Variants in SDK1 observed in about 807,000 individuals in gnomAD.
SDK1 encodes protein sidekick-1.
SDK1 carries 157 observed loss-of-function variants against 245.5 expected under a neutral mutation model. The ratio of observed to expected loss-of-function variants is 0.64; its 90% CI spans 0.56 to 0.73. The LOEUF (loss-of-function observed/expected upper bound fraction) is 0.73. SDK1 is among the 30% of genes least tolerant of loss of function. SDK1 has a pLI of 0.00. For synonymous variants in SDK1, 1,647 were observed against 1,278.5 expected (o/e 1.29, Z -6.15); for missense variants, 3,583 against 3,002.3 (o/e 1.19, Z -4.52).
At chr7:3,966,831 C>A (rs1174076345) in intron 9 of SDK1, among the ~76,000 whole-genome samples, 2 of 152,032 alleles carry the variant, frequency 1.3e-5, no homozygotes, top group Non-Finnish European at 2.9e-5. Flanking sequence ...GACTATAGGC[C>A]TGCACCACCA....
intron 44 of SDK1, among the ~76,000 whole-genome samples, chr7:4,259,499 C>G (rs533563523): frequency 6.6e-6 from 1 of 152,154 alleles, no homozygotes; most frequent in Non-Finnish European, 1.5e-5. Context: ...AGCTGAAACC[C>G]TTGAGGCTAG....
chr7:3,581,846 G>C (rs1374023619), intron 1 of SDK1, among the ~76,000 whole-genome samples: 1 of 152,220 alleles, frequency 6.6e-6, no homozygotes, highest in East Asian at 1.9e-4. Context: ...GTCCTTTGCA[G>C]GGACATGGGT....
chr7:4,046,063 G>T (rs1485867677), intron 17 of SDK1, among the ~76,000 whole-genome samples: 2 of 151,702 alleles, frequency 1.3e-5, no homozygotes, highest in African/African-American at 4.8e-5. Flanking sequence ...CGAGTAGCAG[G>T]GACTACAGGC....
intron 4 of SDK1, among the ~76,000 whole-genome samples, chr7:3,795,838 C>A (rs921209208): frequency 6.6e-6 from 1 of 152,104 alleles, no homozygotes; most frequent in Non-Finnish European, 1.5e-5. Flanking sequence ...TAGTAAAAAT[C>A]TGTGAAATTG....
intron 17 of SDK1, among the ~76,000 whole-genome samples, chr7:4,043,908 C>G (rs1407527692): frequency 6.6e-6 from 1 of 152,082 alleles, no homozygotes; most frequent in Non-Finnish European, 1.5e-5. Flanking sequence ...AACGTCACAA[C>G]AAATGTTGGT....
intron 5 of SDK1, among the ~76,000 whole-genome samples, chr7:3,880,259 A>G (rs1781174897): frequency 6.6e-6 from 1 of 152,236 alleles, no homozygotes. Context: ...TCTATTAGAA[A>G]TAAATCCCGA....
rs778396777 is a variant in SDK1, at chr7:4,265,240, G to A, written c.6498G>A (p.Ala2166=). ...WKRRAQGRAP[A]PHRYEAVAGS... ...GCAGGGCCCAGGGCCGCGCACCTGCGCCGCACAGGTACGAGGCGGTGGCGG... is the reference window on the plus strand; with the variant it reads ...GCAGGGCCCAGGGCCGCGCACCTGCACCGCACAGGTACGAGGCGGTGGCGG... Residue 2166 remains alanine, a synonymous_variant, in exon 45 of 45, where the codon GCG becomes GCA. Coordinates refer to ENST00000404826, the MANE Select transcript of SDK1 (RefSeq NM_152744.4). The A allele has an allele frequency of 4.4e-6, 7 of 1,607,206 alleles. No homozygotes were observed. Among genetic ancestry groups the A allele is most frequent in the East Asian group, 2.2e-5 (1 of 44,806 alleles).
At chr7:3,517,959 T>G (rs1409660265) in intron 1 of SDK1, among the ~76,000 whole-genome samples, 1 of 152,136 alleles carries the variant, frequency 6.6e-6, no homozygotes, top group Non-Finnish European at 1.5e-5. Context: ...TTTTTTGTGT[T>G]TGTTTTTGTG....
In SDK1 at chr7:3,457,286, G is replaced by A. The variant is rs760147191; in HGVS notation, c.298+155402G>A. Among the ~76,000 whole-genome samples the A allele has an allele frequency of 8.5e-5, 13 of 152,272 alleles. 1 individual carries two copies. The highest frequency in any genetic ancestry group is 2.6e-4 in the Admixed American group (4 of 15,294). On this transcript the variant is annotated intron_variant, in intron 1 of 44. Transcript: ENST00000404826. ...GGTTCATAAGATGCCCTGCCATTAC[G>A]TTGTCCCTTCAGTCTTGGCCTTCCT...
chr7:4,023,435 G>A (rs1303211884), intron 17 of SDK1, among the ~76,000 whole-genome samples: 2 of 152,202 alleles, frequency 1.3e-5, no homozygotes, highest in Non-Finnish European at 2.9e-5. Flanking sequence ...CACAGAAGCT[G>A]TGGCCTGAAA....
chr7:4,000,236 A>T (rs1310856200), intron 14 of SDK1, among the ~76,000 whole-genome samples: 1 of 152,220 alleles, frequency 6.6e-6, no homozygotes, highest in East Asian at 1.9e-4. Context: ...GAGCATGCTG[A>T]GGCTGAGATG....
chr7:3,690,053 A>G (rs536589499), intron 4 of SDK1, among the ~76,000 whole-genome samples: 3 of 152,368 alleles, frequency 2.0e-5, no homozygotes, highest in South Asian at 4.1e-4. Context: ...ATTTCTTAGA[A>G]TAATGCCTTA....
chr7:3,882,611 A>C (rs1284023673), intron 5 of SDK1, among the ~76,000 whole-genome samples: 1 of 152,228 alleles, frequency 6.6e-6, no homozygotes. Context: ...AGAAGTGTAC[A>C]TGGAGCCAGT....
intron 1 of SDK1, among the ~76,000 whole-genome samples, chr7:3,432,122 A>AT (rs72295300): frequency 0.11 from 7,795 of 72,796 alleles, 251 homozygotes; most frequent in Admixed American, 0.16. Flanking sequence ...TAAAAAAAAA[A>AT]AAATATATAT....
intron 1 of SDK1, among the ~76,000 whole-genome samples, chr7:3,341,774 CAAAT>C (rs1780354542): frequency 6.6e-6 from 1 of 152,246 alleles, no homozygotes; most frequent in South Asian, 2.1e-4. Context: ...ACTGATGAAA[CAAAT>C]CAGAGGACCC....
chr7:3,810,848 C>G (rs1583438187), intron 4 of SDK1, among the ~76,000 whole-genome samples: 1 of 152,276 alleles, frequency 6.6e-6, no homozygotes, highest in East Asian at 1.9e-4. Flanking sequence ...TATCCGAAGA[C>G]AAGTTGTTTC....
intron 1 of SDK1, among the ~76,000 whole-genome samples, chr7:3,504,274 T>C (rs1044693960): frequency 2.0e-5 from 3 of 151,066 alleles, no homozygotes; most frequent in Admixed American, 6.6e-5. Flanking sequence ...TCGTTGTTGT[T>C]GTTGTTGTTG....
intron 4 of SDK1, among the ~76,000 whole-genome samples, chr7:3,701,024 G>T (rs1041309145): frequency 8.5e-5 from 13 of 152,180 alleles, no homozygotes; most frequent in Non-Finnish European, 1.8e-4. Context: ...GGCTGGGGAG[G>T]AACCAGTTGC....
At chr7:3,871,354 A>T (rs796968904) in intron 5 of SDK1, among the ~76,000 whole-genome samples, 19 of 152,328 alleles carry the variant, frequency 1.2e-4, no homozygotes, top group African/African-American at 4.1e-4. Flanking sequence ...CAATCACTTC[A>T]TCTGTGAATA....
Sources: gnomAD v4.1 joint callset for allele counts (sites outside exome capture counted in the v4.1 genomes callset) on GRCh38, gnomAD v4.1.1 for gene constraint, MANE v1.5 for transcripts, NCBI Gene and HGNC (gene_info 2026-07-23, HGNC 2026-07-21) for gene names.